Variants in NOC3L observed in about 807,000 individuals in gnomAD.
NOC3L encodes NOC3 like DNA replication regulator, also known as nucleolar complex protein 3 homolog.
Under a neutral mutation model 102.5 loss-of-function variants are expected in NOC3L, and 85 were observed. The observed-to-expected ratio is 0.83, with a 90% CI of 0.70 to 0.99. NOC3L has a LOEUF of 0.99. Ranked by LOEUF, NOC3L falls within the 50% of genes least tolerant of loss-of-function variation. NOC3L has a pLI of 0.00. For missense variants in NOC3L, 878 were observed against 914.9 expected, an observed-to-expected ratio of 0.96 and a Z score of 0.52; for synonymous variants, 303 against 309.4, an observed-to-expected ratio of 0.98 and a Z score of 0.22.
At chr10:94,362,167 C>T (rs1209420197) in intron 1 of NOC3L, among the ~76,000 whole-genome samples, 1 of 152,188 alleles carries the variant, frequency 6.6e-6, no homozygotes, top group Non-Finnish European at 1.5e-5. Context: ...TTTAACACAC[C>T]TGTAGTTTAA....
intron 9 of NOC3L, 31 bp downstream of exon 9, chr10:94,350,082 A>C (rs775180469): frequency 1.2e-6 from 2 of 1,608,502 alleles, no homozygotes; most frequent in South Asian, 2.2e-5. Context: ...TTTTCTAAGG[A>C]GGACAGCAAT....
intron 2 of NOC3L, 37 bp from the exon 3 acceptor site, chr10:94,358,252 A>C (rs1250045401): frequency 1.8e-6 from 2 of 1,115,736 alleles, no homozygotes; most frequent in Non-Finnish European, 2.7e-6. Flanking sequence ...GAAAAATTAG[A>C]AACAAGTATC....
downstream of NOC3L, chr10:94,328,680 C>G (rs965012396): frequency 2.6e-5 from 4 of 152,116 alleles, no homozygotes; most frequent in Admixed American, 6.5e-5. Flanking sequence ...TAAATATGTC[C>G]TATAACATAA....
chr10:94,343,192 T>G (rs2054305880), intron 13 of NOC3L, among the ~76,000 whole-genome samples: 1 of 152,200 alleles, frequency 6.6e-6, no homozygotes, highest in Non-Finnish European at 1.5e-5. Context: ...ATTTAAATTT[T>G]TTAAATGACC....
chr10:94,328,896 AT>A (rs1446261732), downstream of NOC3L: 1 of 152,190 alleles, frequency 6.6e-6, no homozygotes, highest in African/African-American at 2.4e-5. Flanking sequence ...ATGACGTATA[AT>A]TTAATATCTA....
chr10:94,348,500 C>A (rs1198966235), intron 10 of NOC3L, among the ~76,000 whole-genome samples: 1 of 151,930 alleles, frequency 6.6e-6, no homozygotes, highest in Non-Finnish European at 1.5e-5. Flanking sequence ...GTGCCTGGCA[C>A]ATAGCAGTTA....
At chr10:94,354,195 A>G (rs2054455525) in intron 6 of NOC3L, among the ~76,000 whole-genome samples, 1 of 152,204 alleles carries the variant, frequency 6.6e-6, no homozygotes, top group Non-Finnish European at 1.5e-5. Context: ...TCCCACATGA[A>G]ATTTGCTTCT....
chr10:94,350,472 A>C (rs1369074377), intron 8 of NOC3L, among the ~76,000 whole-genome samples, 184 bp from the exon 9 acceptor site: 1 of 151,984 alleles, frequency 6.6e-6, no homozygotes, highest in Non-Finnish European at 1.5e-5. Flanking sequence ...GCACTTTGGG[A>C]GGCCAAGGTG....
At chr10:94,334,741 G>A in intron 19 of NOC3L, 23 bp from the exon 20 acceptor site, 1 of 1,506,244 alleles carries the variant, frequency 6.6e-7, no homozygotes, top group Non-Finnish European at 9.2e-7. Flanking sequence ...CACAAAAAAT[G>A]TAAAGATACC....
At chr10:94,341,472 TTAA>T (rs1311597936) in intron 14 of NOC3L, among the ~76,000 whole-genome samples, 198 bp downstream of exon 14, 1 of 151,524 alleles carries the variant, frequency 6.6e-6, no homozygotes, top group Non-Finnish European at 1.5e-5. Context: ...ACCCTCCTGC[TTAA>T]AACTCTCCAA....
chr10:94,345,712 C>T (rs562940926), intron 11 of NOC3L, among the ~76,000 whole-genome samples: 5 of 152,098 alleles, frequency 3.3e-5, no homozygotes, highest in African/African-American at 9.6e-5. Flanking sequence ...TATTTTGATA[C>T]TTCCATCATG....
downstream of NOC3L, among the ~76,000 whole-genome samples, chr10:94,332,975 TA>T (rs2054177154): frequency 6.6e-6 from 1 of 152,180 alleles, no homozygotes; most frequent in Non-Finnish European, 1.5e-5. Flanking sequence ...AATCAAGCCT[TA>T]AAAAATGTGA....
chr10:94,338,616 C>T lies in NOC3L; in HGVS notation c.2083G>A (p.Ala695Thr), dbSNP rs17517578. 0.15 allele frequency: 237,395 copies of T among 1,552,174 alleles called. 19,489 individuals are homozygous for T. Among genetic ancestry groups the T allele is most frequent in the Middle Eastern group, 0.23 (1,314 of 5,808 alleles). Reference sequence around the variant, plus strand: ...ACCAGGGCCACTCTTACCCGCAGAGCATGCAGTTCCCACAGAGCAGTGTTC... The same window carrying T: ...ACCAGGGCCACTCTTACCCGCAGAGTATGCAGTTCCCACAGAGCAGTGTTC... ...AQNTALWELH[A>T]LRRHYHPIVQ... Residue 695 changes from alanine (A) to threonine (T), a missense_variant, in exon 18 of 21, where the codon GCT becomes ACT. By Grantham distance (58) the Ala-to-Thr change is moderately conservative. Transcript: ENST00000371361.
chr10:94,352,357 A>G lies in NOC3L; in HGVS notation c.905T>C (p.Val302Ala). The G allele has an allele frequency of 1.2e-6, 2 of 1,613,938 alleles. No homozygotes were observed. Among genetic ancestry groups the G allele is most frequent in the Non-Finnish European group, 1.7e-6 (2 of 1,179,896 alleles). Reference sequence around the variant, plus strand: ...TTCCAAATAAAACTTGTATTGGCTAACCAGGCCTTCTTCAAATTCTCTTAA... The same window carrying G: ...TTCCAAATAAAACTTGTATTGGCTAGCCAGGCCTTCTTCAAATTCTCTTAA... ...QKLREFEEGL[V>A]SQYKFYLENL... The change falls in exon 8 of 21, where the codon GTT becomes GCT. Residue 302 changes from valine (V) to alanine (A), a missense_variant. Physicochemically the swap from Val to Ala is moderately conservative, Grantham distance 64 (BLOSUM62 0). Coordinates refer to ENST00000371361, the MANE Select transcript of NOC3L (RefSeq NM_022451.11).
At chr10:94,349,713 T>C (rs985660975) in intron 9 of NOC3L, among the ~76,000 whole-genome samples, 57 of 82,444 alleles carry the variant, frequency 6.9e-4, no homozygotes, top group African/African-American at 1.3e-3. Context: ...AGAAGAATTT[T>C]GTAGGGGGAA....
At chr10:94,351,920 C>T (rs1032303038) in intron 8 of NOC3L, among the ~76,000 whole-genome samples, 34 of 152,102 alleles carry the variant, frequency 2.2e-4, no homozygotes, top group African/African-American at 8.2e-4. Flanking sequence ...TTGTTAAATG[C>T]ATTGTAGTCA....
Position 94,355,066 on chromosome 10 carries a change from A to G in NOC3L, c.593T>C (p.Leu198Pro). 6.2e-7 allele frequency: 1 copy of G among 1,612,410 alleles called. No individual in the cohort carries two copies. Among genetic ancestry groups the G allele is most frequent in the Non-Finnish European group, 8.5e-7 (1 of 1,179,208 alleles). The change falls in exon 6 of 21, where the codon CTG (leucine) becomes CCG (proline). Residue 198 changes from leucine (L) to proline (P), a missense_variant. Transcript: ENST00000371361. ...CTCAATCAAATGTTCTTCTATGGTC[A>G]GCTCTTGAATAGGATCTTCAATGAT... The part of the protein sequence containing the change: ...EEIIEDPIQE[L>P]TIEEHLIERK...
At chr10:94,341,489 T>C (rs911210921) in intron 14 of NOC3L, among the ~76,000 whole-genome samples, 184 bp downstream of exon 14, 1 of 151,276 alleles carries the variant, frequency 6.6e-6, no homozygotes. Context: ...TCTCCAATGG[T>C]TGAAAACGTT....
intron 13 of NOC3L, among the ~76,000 whole-genome samples, chr10:94,342,631 T>C (rs978469566): frequency 7.4e-5 from 11 of 147,948 alleles, no homozygotes; most frequent in African/African-American, 2.8e-4. Context: ...CCAAATAAAG[T>C]ACAATATATC....
Sources: gnomAD v4.1 joint callset for allele counts (sites outside exome capture counted in the v4.1 genomes callset) on GRCh38, gnomAD v4.1.1 for gene constraint, MANE v1.5 for transcripts, NCBI Gene and HGNC (gene_info 2026-07-23, HGNC 2026-07-21) for gene names.